The following SATB1 variants were observed in gnomAD, a reference collection of about 807,000 sequenced individuals.
The protein encoded by SATB1 is SATB homeobox 1.
SATB1 carries 11 observed loss-of-function variants against 86.9 expected under a neutral mutation model. The ratio of observed to expected loss-of-function variants is 0.13; its 90% CI spans 0.08 to 0.21. SATB1 has a LOEUF of 0.21. Ranked by LOEUF, SATB1 falls within the 10% of genes least tolerant of loss-of-function variation. The pLI, the probability that SATB1 is intolerant of heterozygous loss-of-function variation, is 1.00. For missense variants in SATB1, 551 were observed against 937.6 expected (o/e 0.59, Z 5.39); for synonymous variants, 357 against 357.2 (o/e 1.00, Z 0.01).
chr3:18,351,110 G>C, intron 10 of SATB1: 1 of 575,290 alleles, frequency 1.7e-6, no homozygotes, highest in Non-Finnish European at 3.1e-6. Context: ...ATTCACAGAA[G>C]AGTGTCTTCA....
chr3:18,428,004 A>T (rs1046858296), upstream of SATB1, among the ~76,000 whole-genome samples: 1 of 152,248 alleles, frequency 6.6e-6, no homozygotes, highest in African/African-American at 2.4e-5. Context: ...GCCACTGAGT[A>T]TTGGCCAGTG....
chr3:18,435,067 T>C (rs892306636), intron 2 of SATB1: 2 of 152,178 alleles, frequency 1.3e-5, no homozygotes, highest in Admixed American at 1.3e-4. Context: ...AGAATACCAA[T>C]ATTTTAAATG....
rs1237422951 is a variant in SATB1 at position 18,411,979 on chromosome 3, C to CT, written c.639+3131dup. Among the ~76,000 whole-genome samples, 340 of 146,546 alleles carry CT rather than the reference C, an allele frequency of 2.3e-3. 2 individuals are homozygous for CT. The highest frequency in any genetic ancestry group is 3.0e-3 in the South Asian group (14 of 4,636). On this transcript the variant is annotated intron_variant, in intron 5 of 10. Transcript: ENST00000338745. ...TTATTGTACCCAAATGTAAGTATTC[C>CT]TTTTTTTTTTTGAAACGGAGTCTCG...
chr3:18,381,141 C>T (rs932795825), intron 8 of SATB1, among the ~76,000 whole-genome samples: 1 of 152,196 alleles, frequency 6.6e-6, no homozygotes, highest in African/African-American at 2.4e-5. Context: ...GCACTAGAGT[C>T]TGCTTTTTAT....
chr3:18,396,356 C>T (rs1453872807), intron 6 of SATB1, among the ~76,000 whole-genome samples: 1 of 151,820 alleles, frequency 6.6e-6, no homozygotes, highest in Non-Finnish European at 1.5e-5. Context: ...AATGCCCATT[C>T]CTATATTATT....
chr3:18,379,808 G>A (rs532621854), intron 8 of SATB1, among the ~76,000 whole-genome samples: 23 of 152,240 alleles, frequency 1.5e-4, no homozygotes, highest in South Asian at 2.1e-4. Flanking sequence ...TAGTTGGCCC[G>A]CAGGCCTGAA....
chr3:18,425,308 C>T lies in SATB1; in HGVS notation c.-1706G>A, dbSNP rs1483707892. 6.4e-6 allele frequency: 1 copy of T among 155,098 alleles called. No individual in the cohort carries two copies. Among genetic ancestry groups the T allele is most frequent in the African/African-American group, 2.4e-5 (1 of 41,372 alleles). The allele number at this position is 155,098 out of a possible 1,614,324, so 9.6% of individuals were successfully genotyped here. ...TCCCCAGCGGGGCCGGCTCATCCGC[C>T]GCGTCCGGGGAACGGGAGCGAGCGA... On this transcript the variant is annotated 5_prime_UTR_variant, in exon 1 of 11. Transcript: ENST00000338745.
At chr3:18,432,115 T>A (rs1378795932) in intron 2 of SATB1, among the ~76,000 whole-genome samples, 4 of 152,196 alleles carry the variant, frequency 2.6e-5, no homozygotes, top group Non-Finnish European at 5.9e-5. Context: ...GGCTTCTCTT[T>A]GAAGGGCTGA....
At chr3:18,363,411 T>G (rs117420318) in intron 9 of SATB1, among the ~76,000 whole-genome samples, 1 of 152,290 alleles carries the variant, frequency 6.6e-6, no homozygotes, top group East Asian at 1.9e-4. Context: ...AGAAGCATCA[T>G]GTGGGTCTCA....
chr3:18,418,942 C>T (rs887638175), intron 2 of SATB1, among the ~76,000 whole-genome samples: 1 of 152,116 alleles, frequency 6.6e-6, no homozygotes, highest in African/African-American at 2.4e-5. Context: ...TTTAGTTTTC[C>T]TCCTCCTGTC....
chr3:18,421,866 A>G (rs920450336), intron 1 of SATB1, among the ~76,000 whole-genome samples: 49 of 152,000 alleles, frequency 3.2e-4, no homozygotes, highest in African/African-American at 8.9e-4. Context: ...AACACAAACA[A>G]AAAACCTTGA....
chr3:18,409,558 T>C (rs1174716762), intron 5 of SATB1: 1 of 152,066 alleles, frequency 6.6e-6, no homozygotes, highest in African/African-American at 2.4e-5. Context: ...ATTTCCTTTA[T>C]GGATCCCACC....
intron 9 of SATB1, among the ~76,000 whole-genome samples, chr3:18,366,343 A>G (rs569421769): frequency 1.6e-3 from 238 of 151,982 alleles, no homozygotes; most frequent in African/African-American, 5.4e-3. Context: ...ATCTCTTCCA[A>G]ATCTGTGATT....
chr3:18,371,846 A>G (rs1463430164), intron 9 of SATB1, among the ~76,000 whole-genome samples: 1 of 152,222 alleles, frequency 6.6e-6, no homozygotes, highest in Non-Finnish European at 1.5e-5. Flanking sequence ...TTAAAGGATT[A>G]TATCAGTGTT....
chr3:18,403,878 T>C (rs1317910809), intron 5 of SATB1, among the ~76,000 whole-genome samples: 1 of 152,070 alleles, frequency 6.6e-6, no homozygotes, highest in Non-Finnish European at 1.5e-5. Flanking sequence ...GAAGTTCAAC[T>C]TCATACATTC....
At chr3:18,401,451 G>A (rs1195169845) in intron 5 of SATB1, among the ~76,000 whole-genome samples, 3 of 152,012 alleles carry the variant, frequency 2.0e-5, no homozygotes, top group Non-Finnish European at 2.9e-5. Context: ...TGCAGTGCTC[G>A]GTGGTTATGT....
At chr3:18,445,168 G>C in intron 1 of SATB1, 1 of 937,400 alleles carries the variant, frequency 1.1e-6, no homozygotes, top group Non-Finnish European at 1.3e-6. Flanking sequence ...GCTGGCCAGC[G>C]GGGCGGCCAG....
intron 6 of SATB1, among the ~76,000 whole-genome samples, chr3:18,396,663 G>A (rs1696978161): frequency 6.6e-6 from 1 of 152,154 alleles, no homozygotes; most frequent in African/African-American, 2.4e-5. Flanking sequence ...TGGTATGGAT[G>A]GTAAAGCAAT....
intron 8 of SATB1, among the ~76,000 whole-genome samples, chr3:18,384,430 A>T (rs774478418): frequency 1.3e-5 from 2 of 149,464 alleles, no homozygotes; most frequent in South Asian, 4.3e-4. Flanking sequence ...TGTATTAAGG[A>T]ACCACAAAGT....
Sources: allele counts gnomAD v4.1 joint callset (sites outside exome capture counted in the v4.1 genomes callset), GRCh38; gene constraint gnomAD v4.1.1; transcripts MANE v1.5; gene names NCBI Gene and HGNC (gene_info 2026-07-23, HGNC 2026-07-21).